The following MDGA2 variants were observed in gnomAD, a reference collection of about 807,000 sequenced individuals.
MDGA2 encodes the protein MAM domain-containing glycosylphosphatidylinositol anchor protein 2.
Under a neutral mutation model 117.8 loss-of-function variants are expected in MDGA2, and 40 were observed. The observed-to-expected ratio is 0.34, with a 90% CI of 0.26 to 0.44. The LOEUF is 0.44. MDGA2 is among the 20% of genes least tolerant of loss of function. The pLI is 1.00. For missense variants in MDGA2, 1,123 were observed against 1,250.6 expected (o/e 0.90, Z 1.54); for synonymous variants, 452 against 439.0 (o/e 1.03, Z -0.37).
chr14:47,244,026 C>T (rs1887157797), intron 2 of MDGA2, among the ~76,000 whole-genome samples: 1 of 151,756 alleles, frequency 6.6e-6, no homozygotes, highest in Admixed American at 6.6e-5. Flanking sequence ...TGATGATTTT[C>T]CCTTTTTTGG....
rs929964646 is a variant in MDGA2 at position 47,394,841 on chromosome 14, G to A, written c.281-93291C>T. 1.4e-4 allele frequency among the ~76,000 whole-genome samples: 22 copies of A among 152,120 alleles called. 1 individual carries two copies. The highest frequency in any genetic ancestry group is 5.3e-4 in the African/African-American group (22 of 41,418). Reference sequence around the variant, plus strand: ...AATAATTTTTGACAACAAATATAAAGTTATGTATTAAAGATTTAAAACTAT... The same window carrying A: ...AATAATTTTTGACAACAAATATAAAATTATGTATTAAAGATTTAAAACTAT... On this transcript the variant is annotated intron_variant, in intron 1 of 16. Transcript: ENST00000399232.
At chr14:47,154,491 C>G (rs143639133) in intron 3 of MDGA2, among the ~76,000 whole-genome samples, 1 of 152,326 alleles carries the variant, frequency 6.6e-6, no homozygotes, top group East Asian at 1.9e-4. Context: ...CCGGACATCC[C>G]TGTGCTCTTG....
chr14:47,458,009 T>A (rs59542008), intron 1 of MDGA2, among the ~76,000 whole-genome samples: 12,010 of 41,498 alleles, frequency 0.29, 1,239 homozygotes, highest in East Asian at 0.52. Context: ...TTCCCCATAT[T>A]TTTTTTTTTT....
At chr14:47,029,840 T>G (rs561210879) in intron 8 of MDGA2, among the ~76,000 whole-genome samples, 1 of 152,252 alleles carries the variant, frequency 6.6e-6, no homozygotes. Context: ...TGTTTTTCTT[T>G]TTTTTTGAGA....
Position 47,175,974 on chromosome 14 carries a change from G to A in MDGA2, c.596-31700C>T, listed in dbSNP as rs545171128. 5.2e-3 allele frequency among the ~76,000 whole-genome samples: 793 copies of A among 152,166 alleles called. 9 individuals carry two copies. Among genetic ancestry groups the A allele is most frequent in the African/African-American group, 0.018 (761 of 41,514 alleles). On this transcript the variant is annotated intron_variant, in intron 3 of 16. Coordinates refer to ENST00000399232, the MANE Select transcript of MDGA2 (RefSeq NM_001113498.3). ...AAGTCTCAGGATACAAAATCAATGT[G>A]CAAAAATCACAAGCATTCTTATACA...
chr14:47,210,082 ATTCT>A (rs1233750934), intron 3 of MDGA2, among the ~76,000 whole-genome samples: 4 of 152,186 alleles, frequency 2.6e-5, no homozygotes, highest in African/African-American at 4.8e-5. Flanking sequence ...TTGGTTTATA[ATTCT>A]TTCTAACACA....
chr14:47,168,693 A>C (rs955860408), intron 3 of MDGA2, among the ~76,000 whole-genome samples: 3 of 152,142 alleles, frequency 2.0e-5, no homozygotes, highest in African/African-American at 7.2e-5. Context: ...TAGAGCTATC[A>C]ACCAAGTTCA....
At chr14:46,845,476 AC>A (rs1428606173) in intron 16 of MDGA2, among the ~76,000 whole-genome samples, 1 of 152,196 alleles carries the variant, frequency 6.6e-6, no homozygotes. Context: ...ATCTTCTAAA[AC>A]AAATAATATC....
In MDGA2 at chr14:47,118,719, C is replaced by CT. The variant is rs555616312; in HGVS notation, c.925+12994dup. 5.7e-3 allele frequency among the ~76,000 whole-genome samples: 864 copies of CT among 152,142 alleles called. 7 individuals carry two copies. The highest frequency in any genetic ancestry group is 0.019 in the African/African-American group (806 of 41,510). ...GAAAGTTAGACCCATATTATATACGCTTTTTTTATAAAAACAACAACATCA... is the reference window on the plus strand; with the variant it reads ...GAAAGTTAGACCCATATTATATACGCTTTTTTTTATAAAAACAACAACATCA... On this transcript the variant is annotated intron_variant, in intron 5 of 16. Transcript: ENST00000399232.
intron 1 of MDGA2, among the ~76,000 whole-genome samples, chr14:47,584,243 T>C (rs946378046): frequency 6.6e-6 from 1 of 151,884 alleles, no homozygotes; most frequent in Non-Finnish European, 1.5e-5. Flanking sequence ...AGGATACAAA[T>C]GTGAATCAAA....
chr14:47,600,219 A>G (rs1173616854), intron 1 of MDGA2, among the ~76,000 whole-genome samples: 1 of 151,982 alleles, frequency 6.6e-6, no homozygotes, highest in African/African-American at 2.4e-5. Context: ...AACATGGTGA[A>G]ACCCTGTCTG....
At position 47,015,727 on chromosome 14, in the gene MDGA2, AG is replaced by A. The variant is rs1197820748; in HGVS notation, c.1819+19283del. Among the ~76,000 whole-genome samples the A allele has an allele frequency of 2.0e-5, 3 of 152,150 alleles. No homozygotes were observed. The East Asian group carries it at 5.8e-4, about 29-fold the overall frequency. On this transcript the variant is annotated intron_variant, in intron 8 of 16. Transcript: ENST00000399232. ...CTCAAGAAAGGGTAAGCAAGACCCA[AG>A]GAGTGTCTGAACTAGGACTTTGGAA...
chr14:47,266,040 T>C (rs1887954886), intron 2 of MDGA2, among the ~76,000 whole-genome samples: 2 of 152,288 alleles, frequency 1.3e-5, no homozygotes, highest in African/African-American at 4.8e-5. Context: ...ATAATCCTCA[T>C]ATGTTACCTC....
intron 10 of MDGA2, among the ~76,000 whole-genome samples, chr14:46,915,335 A>C (rs1883858243): frequency 6.6e-6 from 1 of 152,152 alleles, no homozygotes; most frequent in African/African-American, 2.4e-5. Flanking sequence ...TTCCCAACAC[A>C]CAGAAATGAC....
chr14:47,310,305 A>T (rs978600464), intron 1 of MDGA2, among the ~76,000 whole-genome samples: 5 of 152,136 alleles, frequency 3.3e-5, no homozygotes, highest in African/African-American at 1.2e-4. Flanking sequence ...ACTTCTGACA[A>T]GTATGCCAGA....
chr14:46,870,686 T>G (rs1247280484), intron 14 of MDGA2, among the ~76,000 whole-genome samples: 2 of 151,940 alleles, frequency 1.3e-5, no homozygotes, highest in Admixed American at 6.6e-5. Context: ...ATGTAAATGT[T>G]TGCCAAGAAA....
chr14:47,159,618 G>A (rs1170029325), intron 3 of MDGA2, among the ~76,000 whole-genome samples: 3 of 152,128 alleles, frequency 2.0e-5, no homozygotes, highest in Middle Eastern at 3.2e-3. Flanking sequence ...AGCCGTAACA[G>A]GCTTTTTTGC....
intron 5 of MDGA2, among the ~76,000 whole-genome samples, chr14:47,107,005 C>T (rs1156899714): frequency 3.4e-5 from 4 of 116,372 alleles, no homozygotes; most frequent in African/African-American, 1.5e-4. Context: ...ACAGCTATAT[C>T]TCATTGCCAC....
intron 9 of MDGA2, among the ~76,000 whole-genome samples, chr14:46,952,480 T>C (rs1753111107): frequency 6.6e-6 from 1 of 151,996 alleles, no homozygotes; most frequent in African/African-American, 2.4e-5. Flanking sequence ...AGTGAAATAA[T>C]TTTCTAGACT....
Sources: gnomAD v4.1 joint callset for allele counts (sites outside exome capture counted in the v4.1 genomes callset) on GRCh38, gnomAD v4.1.1 for gene constraint, MANE v1.5 for transcripts, NCBI Gene and HGNC (gene_info 2026-07-23, HGNC 2026-07-21) for gene names.